PELI2: variants seen among roughly 807,000 people sequenced by gnomAD.
The protein encoded by PELI2 is pellino E3 ubiquitin protein ligase family member 2.
A neutral mutation model predicts 42.3 loss-of-function variants in PELI2; 23 were observed. The ratio of observed to expected loss-of-function variants is 0.54; its 90% confidence interval spans 0.39 to 0.77. The LOEUF is 0.77. PELI2 is among the 30% of genes least tolerant of loss of function. The pLI, the probability that PELI2 is intolerant of heterozygous loss-of-function variation, is 0.00. For missense variants in PELI2, 463 were observed against 553.2 expected, an observed-to-expected ratio of 0.84 and a Z score of 1.64; for synonymous variants, 245 against 212.2, an observed-to-expected ratio of 1.15 and a Z score of -1.34.
Position 56,174,703 on chromosome 14 carries a change from C to G in PELI2, c.78-3632C>G, listed in dbSNP as rs1233580365. ...AAGGTGATTGTTTCCCCTTTGGCTTCTGTCATGATTGTAAGTTTCTTGAGG... is the reference window on the plus strand; with the variant it reads ...AAGGTGATTGTTTCCCCTTTGGCTTGTGTCATGATTGTAAGTTTCTTGAGG... On this transcript the variant is annotated intron_variant, in intron 1 of 5. Transcript: ENST00000267460. 2.6e-5 allele frequency among the ~76,000 whole-genome samples: 4 copies of G among 152,220 alleles called. No homozygotes were observed. In the East Asian group the frequency reaches 7.7e-4, roughly 29 times the overall value.
intron 1 of PELI2, among the ~76,000 whole-genome samples, chr14:56,171,912 A>T (rs1885183952): frequency 6.6e-6 from 1 of 152,066 alleles, no homozygotes; most frequent in African/African-American, 2.4e-5. Context: ...GTTACTCGGG[A>T]GGCTGAGGCA....
chr14:56,282,252 A>G (rs957106166), intron 3 of PELI2, among the ~76,000 whole-genome samples: 1 of 152,156 alleles, frequency 6.6e-6, no homozygotes, highest in African/African-American at 2.4e-5. Context: ...AGCTGTATAT[A>G]TAGCCACAGA....
chr14:56,163,568 C>CT (rs1884843017), intron 1 of PELI2, among the ~76,000 whole-genome samples: 1 of 151,704 alleles, frequency 6.6e-6, no homozygotes, highest in South Asian at 2.1e-4. Flanking sequence ...TCTTTTGTTG[C>CT]TCTGTATACT....
chr14:56,203,837 AGAGTG>A (rs982657409), intron 2 of PELI2, among the ~76,000 whole-genome samples: 27 of 152,290 alleles, frequency 1.8e-4, no homozygotes, highest in Non-Finnish European at 2.5e-4. Flanking sequence ...ACTCTAAATT[AGAGTG>A]GAGAAAATCG....
rs1890070283 is a variant in PELI2 at position 56,298,067 on chromosome 14, CT to C, written c.*906del. On this transcript the variant is annotated 3_prime_UTR_variant, in exon 6 of 6. Transcript: ENST00000267460. ...AAGAATGATTAAAAATAAGCTTTTA[CT>C]TTTTAAAACCACTTGAGGTTTCATA... 1.3e-5 allele frequency: 2 copies of C among 150,890 alleles called. No individual in the cohort carries two copies. Among genetic ancestry groups the C allele is most frequent in the African/African-American group, 4.9e-5 (2 of 41,084 alleles). 9.3% of individuals were successfully genotyped at this position (150,890 alleles called of 1,614,324 possible).
At chr14:56,247,843 A>C (rs1427702234) in intron 2 of PELI2, among the ~76,000 whole-genome samples, 1 of 152,232 alleles carries the variant, frequency 6.6e-6, no homozygotes, top group East Asian at 1.9e-4. Context: ...CTTGTTAAGA[A>C]AGTAGTCATT....
chr14:56,225,546 C>T (rs575864886), intron 2 of PELI2, among the ~76,000 whole-genome samples: 1 of 152,166 alleles, frequency 6.6e-6, no homozygotes, highest in Non-Finnish European at 1.5e-5. Flanking sequence ...AAGTGAGGTC[C>T]TGTGCTAGCT....
rs988762579 is a variant in PELI2, at chr14:56,132,413, A to G, written c.77+13676A>G. 2.0e-5 allele frequency among the ~76,000 whole-genome samples: 3 copies of G among 152,318 alleles called. No individual in the cohort carries two copies. The East Asian group carries it at 5.8e-4, about 29-fold the overall frequency. On this transcript the variant is annotated intron_variant, in intron 1 of 5. Coordinates refer to ENST00000267460, the MANE Select transcript of PELI2 (RefSeq NM_021255.3). ...AGGAGGATGTAACTTAATGTTTTAC[A>G]TTAAGGTCCGAAGTTGTGATGATAA...
rs137960954 is a variant in PELI2 at position 56,240,537 on chromosome 14, G to A, written c.208-39139G>A. On this transcript the variant is annotated intron_variant, in intron 2 of 5. Transcript: ENST00000267460. ...GATGGTTGGTCAGTGAGGGGGTAAC[G>A]AAATGGAGACAGTACAGGAAGACTA... Among the ~76,000 whole-genome samples the A allele has an allele frequency of 1.4e-4, 22 of 152,282 alleles. No individual in the cohort carries two copies. In the East Asian group the frequency reaches 4.0e-3, roughly 28 times the overall value.
chr14:56,178,506 G>T (rs1242851790), intron 2 of PELI2, 42 bp downstream of exon 2: 1 of 1,607,960 alleles, frequency 6.2e-7, no homozygotes, highest in Non-Finnish European at 8.5e-7. Flanking sequence ...CTGGCAAACA[G>T]TGACTCACAG....
intron 2 of PELI2, among the ~76,000 whole-genome samples, chr14:56,194,795 T>C (rs753506796): frequency 3.3e-5 from 5 of 151,934 alleles, no homozygotes; most frequent in Non-Finnish European, 7.4e-5. Context: ...CCCATACCCT[T>C]CTAGCCTCCT....
chr14:56,206,779 T>G (rs1566637150), intron 2 of PELI2, among the ~76,000 whole-genome samples: 1 of 152,158 alleles, frequency 6.6e-6, no homozygotes, highest in Non-Finnish European at 1.5e-5. Context: ...GGTTTATGGC[T>G]CTTATACACT....
chr14:56,194,908 C>T (rs1305993726), intron 2 of PELI2, among the ~76,000 whole-genome samples: 1 of 152,068 alleles, frequency 6.6e-6, no homozygotes, highest in Admixed American at 6.5e-5. Flanking sequence ...AAAATAAGGA[C>T]CGAGTGTTGA....
chr14:56,195,282 C>T (rs771229917), intron 2 of PELI2, among the ~76,000 whole-genome samples: 15 of 152,192 alleles, frequency 9.9e-5, no homozygotes, highest in Non-Finnish European at 2.1e-4. Flanking sequence ...ACCCTGTTTA[C>T]TTGTCATATT....
intron 2 of PELI2, among the ~76,000 whole-genome samples, chr14:56,279,344 A>G (rs1365841142): frequency 6.6e-6 from 1 of 152,214 alleles, no homozygotes; most frequent in East Asian, 1.9e-4. Flanking sequence ...CTATTAGTCT[A>G]AAAATTCTAT....
At chr14:56,236,890 A>G (rs999523043) in intron 2 of PELI2, among the ~76,000 whole-genome samples, 5 of 152,180 alleles carry the variant, frequency 3.3e-5, no homozygotes, top group African/African-American at 7.2e-5. Flanking sequence ...GATTTGAGAT[A>G]GGCAACTTTC....
chr14:56,230,105 A>C (rs1167620297), intron 2 of PELI2, among the ~76,000 whole-genome samples: 2 of 152,222 alleles, frequency 1.3e-5, no homozygotes, highest in African/African-American at 4.8e-5. Flanking sequence ...CTATGTGAAA[A>C]GACCAAATCC....
chr14:56,138,802 C>T (rs570543504), intron 1 of PELI2, among the ~76,000 whole-genome samples: 130 of 152,294 alleles, frequency 8.5e-4, no homozygotes, highest in Non-Finnish European at 1.6e-3. Flanking sequence ...CATTCATTCA[C>T]TCAGCTTGTG....
Position 56,134,777 on chromosome 14 carries a change from AT to A in PELI2, c.77+16055del, listed in dbSNP as rs74387457. Among the ~76,000 whole-genome samples, 1,288 of 140,734 alleles carry A rather than the reference AT, an allele frequency of 9.2e-3. 2 individuals are homozygous for A. Among genetic ancestry groups the A allele is most frequent in the African/African-American group, 0.014 (534 of 38,054 alleles). 92.3% of individuals were successfully genotyped at this position (140,734 alleles called of 152,430 possible). Reference sequence around the variant, plus strand: ...GAACCAGTAATCTTGTCAGTAAACTATTTTTTTTTTTTTTTGCTGGAGAGAG... The same window carrying A: ...GAACCAGTAATCTTGTCAGTAAACTATTTTTTTTTTTTTTGCTGGAGAGAG... On this transcript the variant is annotated intron_variant, in intron 1 of 5. Coordinates refer to ENST00000267460, the MANE Select transcript of PELI2 (RefSeq NM_021255.3).
Sources: allele counts gnomAD v4.1 joint callset (sites outside exome capture counted in the v4.1 genomes callset), GRCh38; gene constraint gnomAD v4.1.1; transcripts MANE v1.5; gene names NCBI Gene and HGNC (gene_info 2026-07-23, HGNC 2026-07-21).